HYCC1: variants seen among roughly 807,000 people sequenced by gnomAD.
HYCC1 encodes the protein hyccin.
chr7:22,988,244 T>A, the HYCC1 span, among the ~76,000 whole-genome samples: 2 of 152,282 alleles, frequency 1.3e-5, no homozygotes, highest in South Asian at 2.1e-4. Context: ...TGAAGATAAT[T>A]TAAAACATTT....
chr7:22,953,454 C>T, the HYCC1 span, among the ~76,000 whole-genome samples: 1 of 151,754 alleles, frequency 6.6e-6, no homozygotes, highest in Non-Finnish European at 1.5e-5. Flanking sequence ...GTTTTTTTGC[C>T]TCATGAGACC....
the HYCC1 span, among the ~76,000 whole-genome samples, chr7:22,901,306 T>A: frequency 4.7e-5 from 6 of 126,770 alleles, no homozygotes; most frequent in East Asian, 2.3e-4. Flanking sequence ...CCAGAGGAAG[T>A]CAGAAAAAAT....
chr7:22,902,820 A>G, the HYCC1 span, among the ~76,000 whole-genome samples: 1 of 152,150 alleles, frequency 6.6e-6, no homozygotes, highest in Non-Finnish European at 1.5e-5. Context: ...CTTCCAGAAG[A>G]CAACTAGGAT....
chr7:22,895,896 G>A, the HYCC1 span, among the ~76,000 whole-genome samples: 1 of 152,132 alleles, frequency 6.6e-6, no homozygotes, highest in Non-Finnish European at 1.5e-5. Context: ...CACAGACTGT[G>A]GCATCCAGCT....
chr7:22,946,235 A>C, the HYCC1 span: 1 of 1,203,382 alleles, frequency 8.3e-7, no homozygotes, highest in Non-Finnish European at 1.2e-6. Flanking sequence ...ATTAACACCA[A>C]ATCAGTTATG....
the HYCC1 span, among the ~76,000 whole-genome samples, chr7:22,903,472 T>C: frequency 6.6e-6 from 1 of 152,142 alleles, no homozygotes; most frequent in Non-Finnish European, 1.5e-5. Flanking sequence ...CTTACATAAA[T>C]GAACAAACTC....
the HYCC1 span, among the ~76,000 whole-genome samples, chr7:23,012,811 G>C: frequency 6.6e-6 from 1 of 152,164 alleles, no homozygotes; most frequent in Admixed American, 6.5e-5. Context: ...AATAAGATTT[G>C]AAAGCTGAAA....
chr7:22,921,039 C>G, the HYCC1 span, among the ~76,000 whole-genome samples: 2 of 152,196 alleles, frequency 1.3e-5, no homozygotes, highest in African/African-American at 4.8e-5. Flanking sequence ...TCTCCAGAAA[C>G]AGATGCTGGC....
At chr7:22,997,743 T>A in the HYCC1 span, among the ~76,000 whole-genome samples, 2 of 152,284 alleles carry the variant, frequency 1.3e-5, no homozygotes, top group East Asian at 1.9e-4. Flanking sequence ...CCAGGAGAAG[T>A]AATATAATTC....
the HYCC1 span, among the ~76,000 whole-genome samples, chr7:23,010,699 C>T: frequency 6.6e-6 from 1 of 152,180 alleles, no homozygotes; most frequent in Non-Finnish European, 1.5e-5. Context: ...ATATTGATAT[C>T]TGGGTTCAAC....
At chr7:22,979,635 AC>A in the HYCC1 span, among the ~76,000 whole-genome samples, 3 of 152,182 alleles carry the variant, frequency 2.0e-5, no homozygotes, top group Non-Finnish European at 4.4e-5. Flanking sequence ...TTGTGGCATA[AC>A]ATCCCTCCCT....
the HYCC1 span, chr7:22,945,976 T>C: frequency 1.1e-5 from 17 of 1,613,864 alleles, no homozygotes; most frequent in Non-Finnish European, 1.2e-5. Flanking sequence ...TAGTTTCTTT[T>C]TCTTTTCCTC....
chr7:22,908,243 C>T, the HYCC1 span, among the ~76,000 whole-genome samples: 241 of 152,272 alleles, frequency 1.6e-3, 4 homozygotes, highest in East Asian at 5.6e-3. Flanking sequence ...TTTTGGAAGA[C>T]GTTGGTGCTC....
the HYCC1 span, among the ~76,000 whole-genome samples, chr7:22,996,480 G>A: frequency 2.0e-5 from 3 of 151,170 alleles, no homozygotes; most frequent in East Asian, 1.9e-4. Flanking sequence ...GTGTGATGGT[G>A]AGGTTTGGAG....
chr7:22,909,182 G>A, the HYCC1 span, among the ~76,000 whole-genome samples: 4 of 152,270 alleles, frequency 2.6e-5, no homozygotes, highest in East Asian at 3.9e-4. Context: ...AAAGTGATTG[G>A]ATCACAGGGG....
chr7:22,963,700 A>T, the HYCC1 span, among the ~76,000 whole-genome samples: 1 of 152,196 alleles, frequency 6.6e-6, no homozygotes, highest in Non-Finnish European at 1.5e-5. Flanking sequence ...AGCCATAGAC[A>T]ATACATAAAC....
the HYCC1 span, among the ~76,000 whole-genome samples, chr7:22,914,662 C>T: frequency 6.6e-6 from 1 of 152,132 alleles, no homozygotes; most frequent in African/African-American, 2.4e-5. Context: ...TCTCTGCTCC[C>T]AATGCAACTC....
the HYCC1 span, chr7:22,983,874 A>G: frequency 2.2e-6 from 2 of 911,090 alleles, no homozygotes; most frequent in Non-Finnish European, 3.6e-6. Context: ...CTTTATATCT[A>G]TTTCACAATA....
the HYCC1 span, among the ~76,000 whole-genome samples, chr7:22,922,044 A>C: frequency 6.6e-6 from 1 of 152,192 alleles, no homozygotes; most frequent in Non-Finnish European, 1.5e-5. Flanking sequence ...TTAATGCAAA[A>C]GAAATTAGTA....
Sources: gnomAD v4.1 joint callset for allele counts (sites outside exome capture counted in the v4.1 genomes callset) on GRCh38, gnomAD v4.1.1 for gene constraint, MANE v1.5 for transcripts, NCBI Gene and HGNC (gene_info 2026-07-23, HGNC 2026-07-21) for gene names.